Variants in KLRD1 observed in about 807,000 individuals in gnomAD.
The protein encoded by KLRD1 is killer cell lectin like receptor D1.
In KLRD1, 21 loss-of-function variants were observed where a neutral mutation model predicts 22.6. The ratio of observed to expected loss-of-function variants is 0.93; its 90% confidence interval spans 0.66 to 1.34. KLRD1 has a LOEUF of 1.34. Among genes scored for constraint, KLRD1 ranks in the 40% most tolerant of loss-of-function variants. The pLI, the probability that KLRD1 is intolerant of heterozygous loss-of-function variation, is 0.00. For synonymous variants in KLRD1, 59 were observed against 71.1 expected, an observed-to-expected ratio of 0.83 and a Z score of 0.85; for missense variants, 183 against 208.6, an observed-to-expected ratio of 0.88 and a Z score of 0.76.
upstream of KLRD1, among the ~76,000 whole-genome samples, chr12:10,307,151 A>G (rs1179185605): frequency 6.6e-6 from 1 of 152,210 alleles, no homozygotes; most frequent in Admixed American, 6.5e-5. Context: ...TGTAGATGAA[A>G]AAGTGTATAT....
intron 1 of KLRD1, among the ~76,000 whole-genome samples, chr12:10,270,661 A>G (rs2617136): frequency 0.013 from 2,014 of 152,268 alleles, 51 homozygotes; most frequent in African/African-American, 0.046. Context: ...GAAGATATTA[A>G]TATTTTGATG....
chr12:10,299,938 A>T (rs556969864), upstream of KLRD1, among the ~76,000 whole-genome samples: 1 of 152,306 alleles, frequency 6.6e-6, no homozygotes, highest in East Asian at 1.9e-4. Flanking sequence ...GCAACTACTC[A>T]TATATTCACG....
At chr12:10,252,067 T>C (rs1949351638) in intron 1 of KLRD1, among the ~76,000 whole-genome samples, 1 of 152,164 alleles carries the variant, frequency 6.6e-6, no homozygotes, top group African/African-American at 2.4e-5. Flanking sequence ...ACAAAGATTT[T>C]CTTAAAAATC....
chr12:10,244,574 G>C (rs1949272983), intron 1 of KLRD1, among the ~76,000 whole-genome samples: 1 of 152,120 alleles, frequency 6.6e-6, no homozygotes, highest in East Asian at 1.9e-4. Context: ...CTGAGGTCAG[G>C]AGTCCAAGAC....
At position 10,317,741 on chromosome 12, in the gene KLRD1, A is replaced by G. The variant is rs954554971; in HGVS notation, c.*2948A>G. 1 of 152,192 alleles carries G rather than the reference A, an allele frequency of 6.6e-6. No homozygotes were observed. Among genetic ancestry groups the G allele is most frequent in the Non-Finnish European group, 1.5e-5 (1 of 68,044 alleles). The allele number at this position is 152,192 out of a possible 1,614,324, so 9.4% of individuals were successfully genotyped here. A position where few individuals can be genotyped will look rare whatever the true frequency, so the allele number is the denominator to read the frequency against. On this transcript the variant is annotated 3_prime_UTR_variant, in exon 6 of 6. Transcript: ENST00000336164. Reference sequence around the variant, plus strand: ...AACATTAGTGTATTAGTCCGTTCTTATGCTGCTACTAAAGATATACCCAAG... The same window carrying G: ...AACATTAGTGTATTAGTCCGTTCTTGTGCTGCTACTAAAGATATACCCAAG...
rs527824186 is a variant in KLRD1, at chr12:10,325,078, G to A, written c.*10285G>A. 6.6e-6 allele frequency: 1 copy of A among 151,592 alleles called. No homozygotes were observed. Among genetic ancestry groups the A allele is most frequent in the South Asian group, 2.1e-4 (1 of 4,806 alleles). 9.4% of individuals were successfully genotyped at this position (151,592 alleles called of 1,614,324 possible). A position where few individuals can be genotyped will look rare whatever the true frequency, so the allele number is the denominator to read the frequency against. ...AGTGGTGAGTAAACACCCTTGTTTT[G>A]CTATTGATCTTAGAGCATGAATATT... On this transcript the variant is annotated 3_prime_UTR_variant, in exon 6 of 6. Transcript: ENST00000336164.
chr12:10,296,907 T>C lies in KLRD1; in HGVS notation c.-100-11071T>C, dbSNP rs1389400405. 2.6e-5 allele frequency among the ~76,000 whole-genome samples: 4 copies of C among 152,352 alleles called. No individual in the cohort carries two copies. The East Asian group carries it at 5.8e-4, about 22-fold the overall frequency. The stretch of plus-strand genomic sequence containing the variant: ...GGTCAGACACTGTTTCAGAGAGCAA[T>C]TGGCACTTGGTTGTGGGAAGATGGC... On this transcript the variant is annotated intron_variant, in intron 1 of 5. Transcript: ENST00000544747.
At chr12:10,240,278 C>G (rs1180547067) in intron 1 of KLRD1, among the ~76,000 whole-genome samples, 12 of 152,078 alleles carry the variant, frequency 7.9e-5, no homozygotes, top group Non-Finnish European at 1.6e-4. Flanking sequence ...CCAGGCTGGT[C>G]TTGAGCTCCT....
chr12:10,280,425 T>C (rs919688146), intron 1 of KLRD1, among the ~76,000 whole-genome samples: 1 of 152,216 alleles, frequency 6.6e-6, no homozygotes, highest in African/African-American at 2.4e-5. Context: ...GCAGAATACT[T>C]AATCAGAACT....
chr12:10,268,338 A>G (rs1384591924), intron 1 of KLRD1, among the ~76,000 whole-genome samples: 1 of 152,072 alleles, frequency 6.6e-6, no homozygotes, highest in Non-Finnish European at 1.5e-5. Context: ...GATTTATGTG[A>G]TTTTTTTCTT....
intron 1 of KLRD1, among the ~76,000 whole-genome samples, chr12:10,296,663 A>G (rs556218295): frequency 6.6e-6 from 1 of 152,330 alleles, no homozygotes; most frequent in African/African-American, 2.4e-5. Context: ...ATACTCCATG[A>G]GTAAATGGAT....
rs1950379981 is a variant in KLRD1 at position 10,328,350 on chromosome 12, C to G, written c.*13557C>G. On this transcript the variant is annotated 3_prime_UTR_variant, in exon 6 of 6. Coordinates refer to ENST00000336164, the MANE Select transcript of KLRD1 (RefSeq NM_002262.5). ...AATCTTCATTCTAGTTATAGATACG[C>G]TCATATTTTCTATTTCTTCATAATT... 1 of 151,960 alleles carries G rather than the reference C, an allele frequency of 6.6e-6. No individual in the cohort carries two copies. Among genetic ancestry groups the G allele is most frequent in the Non-Finnish European group, 1.5e-5 (1 of 67,984 alleles). 9.4% of individuals were successfully genotyped at this position (151,960 alleles called of 1,614,324 possible).
intron 5 of KLRD1, 23 bp from the exon 6 acceptor site, chr12:10,314,650 G>T: frequency 6.5e-7 from 1 of 1,531,052 alleles, no homozygotes; most frequent in South Asian, 1.3e-5. Flanking sequence ...TTGTGTATGT[G>T]AACATTTTCT....
At chr12:10,300,460 G>T (rs1420374427), upstream of KLRD1, among the ~76,000 whole-genome samples, 3 of 152,114 alleles carry the variant, frequency 2.0e-5, no homozygotes, top group Admixed American at 6.6e-5. Context: ...AGAGCAGTAG[G>T]TCTCAATAGC....
intron 1 of KLRD1, among the ~76,000 whole-genome samples, chr12:10,263,901 T>C (rs1375813808): frequency 2.6e-5 from 4 of 152,142 alleles, no homozygotes; most frequent in Non-Finnish European, 4.4e-5. Flanking sequence ...TTTTCCATTT[T>C]GTTCCCAAAT....
At chr12:10,289,609 C>T (rs71450034) in intron 1 of KLRD1, among the ~76,000 whole-genome samples, 10,782 of 152,192 alleles carry the variant, frequency 0.071, 436 homozygotes, top group East Asian at 0.17. Context: ...CTTTCGGAGT[C>T]TGCCTATTCC....
intron 1 of KLRD1, among the ~76,000 whole-genome samples, chr12:10,274,502 G>A (rs772848368): frequency 1.3e-5 from 2 of 152,096 alleles, no homozygotes; most frequent in African/African-American, 2.4e-5. Flanking sequence ...TTCAACAGTA[G>A]TATATCACAA....
chr12:10,292,533 T>C (rs141120431), intron 1 of KLRD1, among the ~76,000 whole-genome samples: 35 of 152,296 alleles, frequency 2.3e-4, no homozygotes, highest in African/African-American at 7.7e-4. Flanking sequence ...AGCCATAACA[T>C]TTTTAAAGAA....
chr12:10,311,722 G>A (rs1289797534), intron 4 of KLRD1, 107 bp downstream of exon 4: 16 of 946,040 alleles, frequency 1.7e-5, no homozygotes, highest in Non-Finnish European at 2.4e-5. Flanking sequence ...GTAAGTGGAT[G>A]GTTATATTGG....
Sources: allele counts gnomAD v4.1 joint callset (sites outside exome capture counted in the v4.1 genomes callset), GRCh38; gene constraint gnomAD v4.1.1; transcripts MANE v1.5; gene names NCBI Gene and HGNC (gene_info 2026-07-23, HGNC 2026-07-21).